The following EIPR1 variants were observed in gnomAD, a reference collection of about 807,000 sequenced individuals.
The protein encoded by EIPR1 is EARP complex and GARP complex interacting protein 1, also known as EARP and GARP complex-interacting protein 1.
Under a neutral mutation model 48.1 loss-of-function variants are expected in EIPR1, and 25 were observed. That is an observed-to-expected ratio of 0.52 (90% CI 0.38 to 0.73). The LOEUF (loss-of-function observed/expected upper bound fraction) is 0.73. Ranked by LOEUF, EIPR1 falls within the 30% of genes least tolerant of loss-of-function variation. The pLI is 0.00. For missense variants in EIPR1, 415 were observed against 506.2 expected, an observed-to-expected ratio of 0.82 and a Z score of 1.73; for synonymous variants, 204 against 201.9, an observed-to-expected ratio of 1.01 and a Z score of -0.09.
At chr2:3,260,772 C>T (rs1414376139) in intron 3 of EIPR1, among the ~76,000 whole-genome samples, 1 of 152,092 alleles carries the variant, frequency 6.6e-6, no homozygotes, top group Non-Finnish European at 1.5e-5. Flanking sequence ...AAAAGATGCT[C>T]AACATTATTA....
chr2:3,206,855 G>A (rs913115296), intron 5 of EIPR1, among the ~76,000 whole-genome samples: 1 of 152,124 alleles, frequency 6.6e-6, no homozygotes, highest in African/African-American at 2.4e-5. Flanking sequence ...CCTTGGGAGA[G>A]GGAAAAAGAT....
chr2:3,331,144 TGC>T lies in EIPR1; in HGVS notation c.259+6871_259+6872del, dbSNP rs1262464609. On this transcript the variant is annotated intron_variant, in intron 3 of 8. Transcript: ENST00000382125. The stretch of plus-strand genomic sequence containing the variant: ...GGTGGTGTGAGCAGAAGCAGGCGTG[TGC>T]ACACTCATGAGATGGTGTGAGCAGA... Among the ~76,000 whole-genome samples, 741 of 133,368 alleles carry T rather than the reference TGC, an allele frequency of 5.6e-3. 95 individuals are homozygous for T. The highest frequency in any genetic ancestry group is 7.6e-3 in the Non-Finnish European group (453 of 59,540). The allele number at this position is 133,368 out of a possible 152,430, so 87.5% of individuals were successfully genotyped here.
intron 3 of EIPR1, among the ~76,000 whole-genome samples, chr2:3,264,171 G>C (rs1667419022): frequency 6.6e-6 from 1 of 152,126 alleles, no homozygotes; most frequent in African/African-American, 2.4e-5. Context: ...GCCAGCCTCT[G>C]TTATCACCTG....
At chr2:3,364,662 A>G (rs1307806446) in intron 1 of EIPR1, among the ~76,000 whole-genome samples, 1 of 152,114 alleles carries the variant, frequency 6.6e-6, no homozygotes, top group Non-Finnish European at 1.5e-5. Context: ...AGAAAAAAAA[A>G]AAGAATGAAA....
intron 3 of EIPR1, among the ~76,000 whole-genome samples, chr2:3,266,162 A>C (rs968275898): frequency 2.0e-5 from 3 of 152,216 alleles, no homozygotes; most frequent in African/African-American, 7.2e-5. Context: ...TGTGAGCATG[A>C]ATAGTAGCTC....
chr2:3,202,637 G>A (rs1473187051), intron 5 of EIPR1, among the ~76,000 whole-genome samples: 1 of 152,196 alleles, frequency 6.6e-6, no homozygotes, highest in African/African-American at 2.4e-5. Context: ...CATTCCAGAA[G>A]GGGAAGGCCC....
intron 1 of EIPR1, among the ~76,000 whole-genome samples, chr2:3,365,169 G>A (rs529873958): frequency 5.9e-4 from 89 of 151,668 alleles, no homozygotes; most frequent in Middle Eastern, 3.4e-3. Flanking sequence ...TGGGTGTGGT[G>A]GCTCAAGACT....
intron 4 of EIPR1, among the ~76,000 whole-genome samples, chr2:3,242,588 C>T (rs2602759): frequency 0.92 from 133,220 of 144,964 alleles, 61,774 homozygotes; most frequent in East Asian, 0.98. Context: ...CAGCCATCGA[C>T]GGCTGGAAGA....
intron 3 of EIPR1, among the ~76,000 whole-genome samples, chr2:3,311,882 TG>T (rs904127992): frequency 1.4e-4 from 22 of 152,250 alleles, no homozygotes; most frequent in African/African-American, 5.1e-4. Flanking sequence ...GCTCCAGTCT[TG>T]GGGCACTGGG....
At chr2:3,202,154 G>T (rs760811847) in intron 5 of EIPR1, among the ~76,000 whole-genome samples, 3 of 152,144 alleles carry the variant, frequency 2.0e-5, no homozygotes, top group Non-Finnish European at 4.4e-5. Context: ...AGCCAGGATG[G>T]TCTCGATCTT....
chr2:3,366,634 T>C (rs1670979302), intron 1 of EIPR1, among the ~76,000 whole-genome samples: 1 of 152,168 alleles, frequency 6.6e-6, no homozygotes, highest in Non-Finnish European at 1.5e-5. Flanking sequence ...AAAATGCTTG[T>C]ATTAATAAAA....
chr2:3,244,435 A>G (rs545990763), intron 4 of EIPR1, among the ~76,000 whole-genome samples: 3 of 152,228 alleles, frequency 2.0e-5, no homozygotes, highest in African/African-American at 7.2e-5. Flanking sequence ...TGAAAAACTT[A>G]TTCTGCTATG....
At chr2:3,323,409 C>T (rs149836305) in intron 3 of EIPR1, among the ~76,000 whole-genome samples, 1 of 152,304 alleles carries the variant, frequency 6.6e-6, no homozygotes, top group African/African-American at 2.4e-5. Flanking sequence ...GACATCCATG[C>T]CCTTCATCTG....
intron 6 of EIPR1, among the ~76,000 whole-genome samples, chr2:3,195,218 G>A (rs967451487): frequency 6.6e-6 from 1 of 152,214 alleles, no homozygotes; most frequent in Non-Finnish European, 1.5e-5. Flanking sequence ...GCTGCGCCCA[G>A]GAGAGCAAAG....
At chr2:3,206,862 A>C (rs949963655) in intron 5 of EIPR1, among the ~76,000 whole-genome samples, 6 of 152,192 alleles carry the variant, frequency 3.9e-5, no homozygotes, top group African/African-American at 1.2e-4. Context: ...AGAGGGAAAA[A>C]GATCTTTTAA....
intron 1 of EIPR1, among the ~76,000 whole-genome samples, 164 bp from the exon 2 acceptor site, chr2:3,354,797 AC>A (rs1428309502): frequency 1.3e-5 from 2 of 152,246 alleles, no homozygotes; most frequent in African/African-American, 4.8e-5. Context: ...AATGCCTTTG[AC>A]TTTTGCACAC....
intron 3 of EIPR1, among the ~76,000 whole-genome samples, chr2:3,323,928 G>A (rs1669612744): frequency 6.6e-6 from 1 of 152,232 alleles, no homozygotes; most frequent in African/African-American, 2.4e-5. Context: ...GTTGGAGTAG[G>A]CAGCAAGGGT....
intron 2 of EIPR1, among the ~76,000 whole-genome samples, chr2:3,340,897 G>A (rs1405740821): frequency 1.3e-5 from 2 of 151,890 alleles, no homozygotes; most frequent in African/African-American, 2.4e-5. Context: ...AGGAGTTGAA[G>A]ACCAGCCTGG....
At chr2:3,261,496 A>G (rs537159793) in intron 3 of EIPR1, among the ~76,000 whole-genome samples, 11 of 152,158 alleles carry the variant, frequency 7.2e-5, no homozygotes, top group Non-Finnish European at 1.3e-4. Flanking sequence ...GGGCAGGTGT[A>G]CACTGCAATG....
Sources: gnomAD v4.1 joint callset for allele counts (sites outside exome capture counted in the v4.1 genomes callset) on GRCh38, gnomAD v4.1.1 for gene constraint, MANE v1.5 for transcripts, NCBI Gene and HGNC (gene_info 2026-07-23, HGNC 2026-07-21) for gene names.